Variants in MKLN1 observed in about 807,000 individuals in gnomAD.
MKLN1 encodes the protein muskelin.
MKLN1 carries 18 observed loss-of-function variants against 99.0 expected under a neutral mutation model. The ratio of observed to expected loss-of-function variants is 0.18; its 90% CI spans 0.13 to 0.27. The LOEUF (loss-of-function observed/expected upper bound fraction) is 0.27. MKLN1 is among the 10% of genes least tolerant of loss of function. The pLI is 1.00. For missense variants in MKLN1, 621 were observed against 875.9 expected (o/e 0.71, Z 3.67); for synonymous variants, 288 against 293.2 (o/e 0.98, Z 0.18).
intron 3 of MKLN1, among the ~76,000 whole-genome samples, chr7:131,291,689 A>C (rs956860514): frequency 2.7e-5 from 4 of 149,578 alleles, no homozygotes; most frequent in East Asian, 1.9e-4. Context: ...GACTTTTCCC[A>C]TGGGGAATAA....
At chr7:131,121,671 AC>A (rs1795374835) in intron 1 of MKLN1, among the ~76,000 whole-genome samples, 1 of 147,908 alleles carries the variant, frequency 6.8e-6, no homozygotes, top group South Asian at 2.1e-4. Flanking sequence ...AAAAAAAATT[AC>A]CCAGCCTCAG....
In MKLN1 at chr7:131,286,044, G is replaced by A. The variant is rs1300590101; in HGVS notation, c.-179+83070G>A. Among the ~76,000 whole-genome samples the A allele has an allele frequency of 4.0e-5, 6 of 150,686 alleles. No individual in the cohort carries two copies. The East Asian group carries it at 9.8e-4, about 25-fold the overall frequency. ...CGTCTCACTGCAACCTTCGTCTCCC[G>A]GGTTCAAGCGATTCTCGTGCCTCCA... is the stretch of plus-strand genomic sequence containing the variant. On this transcript the variant is annotated intron_variant, in intron 3 of 7. Coordinates refer to the MKLN1 transcript ENST00000416992.
intron 1 of MKLN1, among the ~76,000 whole-genome samples, chr7:131,351,418 C>G (rs1799716464): frequency 6.6e-6 from 1 of 151,930 alleles, no homozygotes; most frequent in Non-Finnish European, 1.5e-5. Context: ...ATTTGTCATG[C>G]TTTATATATA....
At chr7:131,442,500 T>C (rs1351454547) in intron 10 of MKLN1, among the ~76,000 whole-genome samples, 2 of 152,138 alleles carry the variant, frequency 1.3e-5, no homozygotes, top group African/African-American at 2.4e-5. Flanking sequence ...TGAGCCAAGC[T>C]CATGCTGTTG....
chr7:131,187,298 G>C (rs1186806592), intron 2 of MKLN1, among the ~76,000 whole-genome samples: 1 of 149,462 alleles, frequency 6.7e-6, no homozygotes, highest in Non-Finnish European at 1.5e-5. Flanking sequence ...TCCTCTGCTA[G>C]AGGAAGTAAA....
At position 131,388,968 on chromosome 7, in the gene MKLN1, A is replaced by G. The variant is rs755298489; in HGVS notation, c.396A>G (p.Lys132=). The G allele has an allele frequency of 1.9e-6, 3 of 1,595,774 alleles. No individual in the cohort carries two copies. The highest frequency in any genetic ancestry group is 2.2e-5 in the East Asian group (1 of 44,490). ...DEQMFPCRFI[K]IVPLLSWGPS... ...AGATGTTCCCTTGTCGATTCATTAA[A>G]ATAGGTAAGATTTTAGCATTCTGAA... The change falls in exon 4 of 18, where the codon AAA becomes AAG. Residue 132 remains lysine, a synonymous_variant. Transcript: ENST00000352689.
intron 3 of MKLN1, among the ~76,000 whole-genome samples, chr7:131,233,209 C>A (rs1316034956): frequency 6.6e-6 from 1 of 151,802 alleles, no homozygotes; most frequent in East Asian, 1.9e-4. Flanking sequence ...CAAAGCAAAA[C>A]CCAAAAATGA....
intron 6 of MKLN1, among the ~76,000 whole-genome samples, chr7:131,405,397 T>A (rs1277751274): frequency 6.6e-6 from 1 of 152,050 alleles, no homozygotes; most frequent in African/African-American, 2.4e-5. Flanking sequence ...AGTGCACTAG[T>A]CTCTTGAGAG....
chr7:131,379,774 G>A (rs1488870209), intron 2 of MKLN1, among the ~76,000 whole-genome samples: 1 of 152,136 alleles, frequency 6.6e-6, no homozygotes, highest in East Asian at 1.9e-4. Flanking sequence ...TCCACGATGT[G>A]CGTATTTCAC....
In MKLN1 at chr7:131,445,917, G is replaced by A. The variant is rs1796001142; in HGVS notation, c.1525+14G>A. On this transcript the variant is annotated intron_variant, in intron 12 of 17. Coordinates refer to ENST00000352689, the MANE Select transcript of MKLN1 (RefSeq NM_013255.5). ...ACTCTGGGATGGGTAAGGGCATTGAGTGATTTCTTCTCTCATGTCTTAACT... is the reference window on the plus strand; with the variant it reads ...ACTCTGGGATGGGTAAGGGCATTGAATGATTTCTTCTCTCATGTCTTAACT... 6.4e-7 allele frequency: 1 copy of A among 1,561,682 alleles called. No individual in the cohort carries two copies. The highest frequency in any genetic ancestry group is 8.7e-7 in the Non-Finnish European group (1 of 1,148,572).
At chr7:131,446,039 G>T (rs1796003904) in intron 12 of MKLN1, 136 bp downstream of exon 12, 2 of 506,846 alleles carry the variant, frequency 3.9e-6, no homozygotes, top group Admixed American at 3.9e-5. Flanking sequence ...GTAAGAGAAA[G>T]AAAATTCTAC....
chr7:131,173,578 G>T (rs1263041277), intron 2 of MKLN1, among the ~76,000 whole-genome samples: 1 of 152,150 alleles, frequency 6.6e-6, no homozygotes, highest in Non-Finnish European at 1.5e-5. Context: ...AATTAGCCTG[G>T]CGTGGTCATG....
At chr7:131,323,919 GTTAAAA>G (rs1240905018), upstream of MKLN1, 5 of 152,254 alleles carry the variant, frequency 3.3e-5, no homozygotes, top group East Asian at 1.9e-4. Flanking sequence ...ACAGGAATTA[GTTAAAA>G]TTAAAGACTA....
intron 1 of MKLN1, among the ~76,000 whole-genome samples, chr7:131,328,821 T>C (rs1798977397): frequency 6.6e-6 from 1 of 152,254 alleles, no homozygotes; most frequent in Non-Finnish European, 1.5e-5. Flanking sequence ...TGTTAGGTTT[T>C]TGTTGGTGGT....
At chr7:131,394,578 A>G (rs778612339) in intron 4 of MKLN1, among the ~76,000 whole-genome samples, 1 of 152,032 alleles carries the variant, frequency 6.6e-6, no homozygotes, top group Non-Finnish European at 1.5e-5. Context: ...ACCTCCTGCC[A>G]TGCGTCTGGG....
intron 6 of MKLN1, among the ~76,000 whole-genome samples, chr7:131,400,518 A>AAAATATATATATATATATAT (rs527702723): frequency 1.5e-5 from 2 of 137,428 alleles, no homozygotes; most frequent in African/African-American, 5.6e-5. Context: ...ATAAAAAAAA[A>AAAATATATATATATATATAT]ATATATATAT....
chr7:131,312,316 T>C (rs1563288119), intron 3 of MKLN1, among the ~76,000 whole-genome samples: 1 of 152,106 alleles, frequency 6.6e-6, no homozygotes, highest in Non-Finnish European at 1.5e-5. Context: ...AGCCACCGCA[T>C]CTAGCCCTCA....
chr7:131,246,129 A>G lies in MKLN1; in HGVS notation c.-179+43155A>G, dbSNP rs538186305. 4.7e-4 allele frequency among the ~76,000 whole-genome samples: 72 copies of G among 152,316 alleles called. 1 individual carries two copies. Among genetic ancestry groups the G allele is most frequent in the African/African-American group, 1.5e-3 (64 of 41,572 alleles). On this transcript the variant is annotated intron_variant, in intron 3 of 7. Transcript: ENST00000416992. The stretch of plus-strand genomic sequence containing the variant: ...TCCGTGCCATCAGCCCACAGACCAC[A>G]CTTTGAGTAGCACTGCTGCAGGCAC...
At chr7:131,147,762 G>C (rs1795835950) in intron 2 of MKLN1, among the ~76,000 whole-genome samples, 1 of 152,096 alleles carries the variant, frequency 6.6e-6, no homozygotes, top group South Asian at 2.1e-4. Context: ...GCCTTGTCTG[G>C]TTCCCCAAAG....
Sources: gnomAD v4.1 joint callset for allele counts (sites outside exome capture counted in the v4.1 genomes callset) on GRCh38, gnomAD v4.1.1 for gene constraint, MANE v1.5 for transcripts, NCBI Gene and HGNC (gene_info 2026-07-23, HGNC 2026-07-21) for gene names.